The following WDR41 variants were observed in gnomAD, a reference collection of about 807,000 sequenced individuals.
WDR41 encodes WD repeat domain 41, also known as WD repeat-containing protein 41.
WDR41 carries 63 observed loss-of-function variants against 69.3 expected under a neutral mutation model. That is an observed-to-expected ratio of 0.91 (90% CI 0.74 to 1.12). The LOEUF is 1.12. Ranked by LOEUF, WDR41 falls within the 50% of genes most tolerant of loss-of-function variation. The pLI is 0.00. For synonymous variants in WDR41, 185 were observed against 192.1 expected (o/e 0.96, Z 0.31); for missense variants, 543 against 534.5 (o/e 1.02, Z -0.16).
chr5:77,611,101 G>C (rs965930654), intron 1 of WDR41, among the ~76,000 whole-genome samples: 25 of 152,084 alleles, frequency 1.6e-4, no homozygotes, highest in Non-Finnish European at 2.9e-4. Context: ...AACAAGAAGA[G>C]CTAACTATCG....
intron 2 of WDR41, among the ~76,000 whole-genome samples, chr5:77,474,839 C>T (rs461704): frequency 1.3e-5 from 2 of 152,008 alleles, no homozygotes; most frequent in South Asian, 2.1e-4. Flanking sequence ...GGAACAGCTC[C>T]GGTCTACAGC....
chr5:77,511,834 A>C (rs570049562), intron 1 of WDR41, among the ~76,000 whole-genome samples: 380 of 150,612 alleles, frequency 2.5e-3, no homozygotes, highest in African/African-American at 9.0e-3. Flanking sequence ...TAGGTTACCA[A>C]GAAGCATTAG....
chr5:77,554,595 G>C (rs1743357109), intron 1 of WDR41, among the ~76,000 whole-genome samples: 1 of 149,740 alleles, frequency 6.7e-6, no homozygotes, highest in Admixed American at 6.7e-5. Context: ...AAATAAATTT[G>C]TTATTATTAT....
At chr5:77,619,522 G>T (rs565648948) in intron 1 of WDR41, among the ~76,000 whole-genome samples, 1 of 151,982 alleles carries the variant, frequency 6.6e-6, no homozygotes, top group Non-Finnish European at 1.5e-5. Context: ...CTTGAGCAAC[G>T]TGTCCAGCTG....
At chr5:77,464,878 T>C in intron 2 of WDR41, 69 bp from the exon 3 acceptor site, 1 of 1,483,584 alleles carries the variant, frequency 6.7e-7, no homozygotes, top group Non-Finnish European at 9.4e-7. Context: ...TTAAGAACTA[T>C]CAAACCTTAT....
At chr5:77,605,148 T>C (rs1744392927) in intron 1 of WDR41, among the ~76,000 whole-genome samples, 1 of 152,226 alleles carries the variant, frequency 6.6e-6, no homozygotes, top group South Asian at 2.1e-4. Context: ...CCAAAAATGC[T>C]ACTGATTGAA....
intron 1 of WDR41, among the ~76,000 whole-genome samples, chr5:77,578,082 A>G (rs1743865303): frequency 6.6e-6 from 1 of 152,204 alleles, no homozygotes; most frequent in Admixed American, 6.5e-5. Context: ...CGCTAACCCG[A>G]AAAAAGATCA....
At chr5:77,607,602 T>A (rs1439053861) in intron 1 of WDR41, among the ~76,000 whole-genome samples, 1 of 152,246 alleles carries the variant, frequency 6.6e-6, no homozygotes, top group Non-Finnish European at 1.5e-5. Context: ...TCTGTATGAT[T>A]CTTCTAGATA....
intron 9 of WDR41, among the ~76,000 whole-genome samples, chr5:77,440,054 ATTCTCCCCC>A (rs1799097502): frequency 6.6e-6 from 1 of 152,164 alleles, no homozygotes; most frequent in African/African-American, 2.4e-5. Context: ...AATGGATCAT[ATTCTCCCCC>A]CACTACATAA....
intron 1 of WDR41, 123 bp downstream of exon 1, chr5:77,492,047 G>T: frequency 8.0e-7 from 1 of 1,242,712 alleles, no homozygotes. Context: ...CGTGGCACGA[G>T]CTCAGCAGCC....
chr5:77,530,018 G>C (rs1802504521), intron 1 of WDR41, among the ~76,000 whole-genome samples: 1 of 151,378 alleles, frequency 6.6e-6, no homozygotes, highest in African/African-American at 2.4e-5. Context: ...TCAAGATACA[G>C]AAAGGAATAA....
At chr5:77,456,050 G>T (rs941057251) in intron 5 of WDR41, among the ~76,000 whole-genome samples, 1 of 151,890 alleles carries the variant, frequency 6.6e-6, no homozygotes, top group African/African-American at 2.4e-5. Context: ...GATCAATGTG[G>T]GTAGTGGTGG....
intron 1 of WDR41, among the ~76,000 whole-genome samples, chr5:77,584,881 C>A (rs1744010094): frequency 6.6e-6 from 1 of 152,136 alleles, no homozygotes; most frequent in Non-Finnish European, 1.5e-5. Flanking sequence ...TAGATGATAA[C>A]ATTGGAAAAA....
chr5:77,529,660 T>G (rs931740385), intron 1 of WDR41, among the ~76,000 whole-genome samples: 2 of 151,536 alleles, frequency 1.3e-5, no homozygotes, highest in Non-Finnish European at 3.0e-5. Flanking sequence ...GGTATTGGTA[T>G]GAAGACAGAC....
intron 1 of WDR41, among the ~76,000 whole-genome samples, chr5:77,563,620 C>T (rs1197890905): frequency 6.6e-6 from 1 of 152,092 alleles, no homozygotes. Flanking sequence ...TTACTATGTA[C>T]CAGGCACTAG....
At chr5:77,544,904 A>G (rs1743163340) in intron 1 of WDR41, among the ~76,000 whole-genome samples, 1 of 152,156 alleles carries the variant, frequency 6.6e-6, no homozygotes, top group South Asian at 2.1e-4. Context: ...TCTCCAGGAT[A>G]CACCATATGA....
chr5:77,594,317 T>G (rs991151660), intron 1 of WDR41, among the ~76,000 whole-genome samples: 3 of 150,662 alleles, frequency 2.0e-5, no homozygotes, highest in Non-Finnish European at 4.4e-5. Flanking sequence ...CTAATGTAAA[T>G]GACGAGTTAA....
At chr5:77,501,813 TAACA>T (rs1802021718) in intron 1 of WDR41, among the ~76,000 whole-genome samples, 1 of 151,976 alleles carries the variant, frequency 6.6e-6, no homozygotes, top group Admixed American at 6.6e-5. Flanking sequence ...GAATGAAAGC[TAACA>T]AACAGAAAGG....
chr5:77,442,894 C>CAAAGAAAAAAAA (rs1799225954), intron 8 of WDR41, among the ~76,000 whole-genome samples: 2 of 56,260 alleles, frequency 3.6e-5, no homozygotes, highest in African/African-American at 1.0e-4. Flanking sequence ...TCTGTCTCCC[C>CAAAGAAAAAAAA]AAAAAAAAAA....
Sources: gnomAD v4.1 joint callset for allele counts (sites outside exome capture counted in the v4.1 genomes callset) on GRCh38, gnomAD v4.1.1 for gene constraint, MANE v1.5 for transcripts, NCBI Gene and HGNC (gene_info 2026-07-23, HGNC 2026-07-21) for gene names.